Variants in CCDC178 observed in about 807,000 individuals in gnomAD.
CCDC178 encodes the protein coiled-coil domain-containing protein 178.
Under a neutral mutation model 117.4 loss-of-function variants are expected in CCDC178, and 126 were observed. The ratio of observed to expected loss-of-function variants is 1.07; its 90% confidence interval spans 0.93 to 1.24. CCDC178 has a LOEUF of 1.24. Among genes scored for constraint, CCDC178 ranks in the 50% most tolerant of loss-of-function variants. The pLI, the probability that CCDC178 is intolerant of heterozygous loss-of-function variation, is 0.00. For missense variants in CCDC178, 1,030 were observed against 986.9 expected (o/e 1.04, Z -0.59); for synonymous variants, 283 against 313.4 (o/e 0.90, Z 1.02).
chr18:33,431,090 A>AG (rs1453955684), intron 2 of CCDC178, among the ~76,000 whole-genome samples: 1 of 151,512 alleles, frequency 6.6e-6, no homozygotes, highest in African/African-American at 2.4e-5. Context: ...AAAAAAAAAA[A>AG]AAGAACATCA....
chr18:33,114,876 A>G (rs563502057), intron 20 of CCDC178, among the ~76,000 whole-genome samples: 3 of 152,048 alleles, frequency 2.0e-5, no homozygotes, highest in Non-Finnish European at 4.4e-5. Context: ...GTTTTTATGT[A>G]ATGAGCCAAA....
At chr18:33,407,940 A>G (rs1460175358) in intron 3 of CCDC178, among the ~76,000 whole-genome samples, 1 of 151,932 alleles carries the variant, frequency 6.6e-6, no homozygotes, top group African/African-American at 2.4e-5. Flanking sequence ...TCATTACCAA[A>G]ACAAGAAATG....
At chr18:33,143,071 T>C (rs754821170) in intron 20 of CCDC178, among the ~76,000 whole-genome samples, 1 of 152,088 alleles carries the variant, frequency 6.6e-6, no homozygotes, top group Non-Finnish European at 1.5e-5. Flanking sequence ...GGGCACAGTA[T>C]TAAGATTAGA....
chr18:33,353,337 T>C (rs1407899967), intron 7 of CCDC178, among the ~76,000 whole-genome samples: 1 of 152,148 alleles, frequency 6.6e-6, no homozygotes. Context: ...AGTTGGATTA[T>C]CTATTCTTAT....
chr18:33,010,433 G>A (rs910317415), intron 21 of CCDC178, among the ~76,000 whole-genome samples: 13 of 152,086 alleles, frequency 8.5e-5, no homozygotes, highest in Non-Finnish European at 1.8e-4. Flanking sequence ...TAAAATCAAA[G>A]GGTATTTCTT....
In CCDC178 at chr18:33,426,796, A is replaced by C. The variant is rs1211600997; in HGVS notation, c.-23+13166T>G. The stretch of plus-strand genomic sequence containing the variant: ...AAACAGCAAGGGCTTTGTCTGTTTT[A>C]TTTTTTATAATCAAAGCCCAACAGA... On this transcript the variant is annotated intron_variant, in intron 2 of 22. Coordinates refer to ENST00000383096, the MANE Select transcript of CCDC178 (RefSeq NM_001105528.4). Among the ~76,000 whole-genome samples the C allele has an allele frequency of 2.0e-5, 3 of 152,126 alleles. No homozygotes were observed. The East Asian group carries it at 5.8e-4, about 29-fold the overall frequency.
chr18:33,210,409 C>T (rs561158824), intron 20 of CCDC178, among the ~76,000 whole-genome samples: 4 of 151,996 alleles, frequency 2.6e-5, no homozygotes, highest in Non-Finnish European at 5.9e-5. Context: ...ATGCAAATCT[C>T]AATAATTTAG....
chr18:32,939,657 G>A (rs569798318), intron 22 of CCDC178, among the ~76,000 whole-genome samples: 2 of 152,180 alleles, frequency 1.3e-5, no homozygotes, highest in African/African-American at 4.8e-5. Context: ...CTTGATCCTT[G>A]AAGTAAAAGA....
chr18:33,193,025 C>T (rs1365144421), intron 20 of CCDC178, among the ~76,000 whole-genome samples: 2 of 150,810 alleles, frequency 1.3e-5, no homozygotes, highest in Admixed American at 6.6e-5. Flanking sequence ...TTTGGGAGGC[C>T]GAGGCAGGCG....
chr18:33,247,821 T>A (rs933748753), intron 14 of CCDC178, among the ~76,000 whole-genome samples: 7 of 151,874 alleles, frequency 4.6e-5, no homozygotes, highest in African/African-American at 1.7e-4. Flanking sequence ...ACGCATTAAA[T>A]GGAGTGGGAT....
chr18:33,397,758 G>T (rs913591270), intron 3 of CCDC178, among the ~76,000 whole-genome samples: 26 of 152,002 alleles, frequency 1.7e-4, no homozygotes, highest in African/African-American at 6.0e-4. Context: ...AAATAATACA[G>T]CATGATTTTT....
chr18:32,982,229 A>C (rs1398795724), intron 21 of CCDC178, among the ~76,000 whole-genome samples: 2 of 152,112 alleles, frequency 1.3e-5, no homozygotes, highest in Admixed American at 6.6e-5. Context: ...AGAACCCTGG[A>C]AAAAAAGAAA....
chr18:33,385,192 A>T (rs900975377), intron 5 of CCDC178, among the ~76,000 whole-genome samples: 2 of 152,228 alleles, frequency 1.3e-5, no homozygotes, highest in African/African-American at 4.8e-5. Context: ...TGTACCCAAT[A>T]CAGGAGCACT....
intron 21 of CCDC178, among the ~76,000 whole-genome samples, chr18:32,998,646 C>T (rs1209410754): frequency 6.6e-6 from 1 of 152,108 alleles, no homozygotes; most frequent in African/African-American, 2.4e-5. Context: ...AGCTAATCTA[C>T]AGTAGGATAC....
intron 4 of CCDC178, among the ~76,000 whole-genome samples, chr18:33,391,546 A>C (rs925198636): frequency 6.6e-5 from 10 of 152,172 alleles, no homozygotes; most frequent in African/African-American, 2.4e-4. Flanking sequence ...AATTCAAAAA[A>C]GTTTAATAAG....
chr18:33,128,910 T>A (rs575314680), intron 20 of CCDC178, among the ~76,000 whole-genome samples: 2 of 152,218 alleles, frequency 1.3e-5, no homozygotes, highest in South Asian at 4.1e-4. Flanking sequence ...CTAAATGAAG[T>A]CATCAGTAAC....
chr18:33,154,717 A>C (rs2058375407), intron 20 of CCDC178, among the ~76,000 whole-genome samples: 1 of 152,200 alleles, frequency 6.6e-6, no homozygotes, highest in African/African-American at 2.4e-5. Flanking sequence ...ACCACATACC[A>C]TGCAGATGTC....
chr18:33,159,734 G>A (rs1306701569), intron 20 of CCDC178, among the ~76,000 whole-genome samples: 1 of 152,028 alleles, frequency 6.6e-6, no homozygotes, highest in Non-Finnish European at 1.5e-5. Context: ...CTGGTGATTA[G>A]GATGCAGATA....
At chr18:33,106,634 T>C (rs2057709191) in intron 20 of CCDC178, among the ~76,000 whole-genome samples, 1 of 151,690 alleles carries the variant, frequency 6.6e-6, no homozygotes, top group South Asian at 2.1e-4. Context: ...CAAAGAAAGG[T>C]AATCTCTGGA....
Sources: allele counts gnomAD v4.1 joint callset (sites outside exome capture counted in the v4.1 genomes callset), GRCh38; gene constraint gnomAD v4.1.1; transcripts MANE v1.5; gene names NCBI Gene and HGNC (gene_info 2026-07-23, HGNC 2026-07-21).